The following DENND5A variants were observed in gnomAD, a reference collection of about 807,000 sequenced individuals.
The protein encoded by DENND5A is DENN domain containing 5A, also known as DENN domain-containing protein 5A.
DENND5A carries 64 observed loss-of-function variants against 140.3 expected under a neutral mutation model. The ratio of observed to expected loss-of-function variants is 0.46; its 90% CI spans 0.37 to 0.56. The LOEUF (loss-of-function observed/expected upper bound fraction) is 0.56. Among genes scored for constraint, DENND5A ranks in the 20% least tolerant of loss-of-function variants. The pLI, the probability that DENND5A is intolerant of heterozygous loss-of-function variation, is 0.00. For synonymous variants in DENND5A, 605 were observed against 607.7 expected, an observed-to-expected ratio of 1.00 and a Z score of 0.07; for missense variants, 1,292 against 1,593.8, an observed-to-expected ratio of 0.81 and a Z score of 3.22.
chr11:9,212,386 A>G (rs1044040743), intron 1 of DENND5A, among the ~76,000 whole-genome samples: 4 of 152,214 alleles, frequency 2.6e-5, no homozygotes, highest in African/African-American at 9.6e-5. Context: ...AAATTTTCCC[A>G]AATTTGGTAA....
At position 9,145,096 on chromosome 11, in the gene DENND5A, C is replaced by T. The variant is rs1245979372; in HGVS notation, c.3021G>A (p.Lys1007=). The T allele has an allele frequency of 8.7e-6, 14 of 1,613,508 alleles. No individual in the cohort carries two copies. Among genetic ancestry groups the T allele is most frequent in the Non-Finnish European group, 1.2e-5 (14 of 1,179,530 alleles). The change falls in exon 18 of 23, where the codon AAG becomes AAA. Residue 1007 remains lysine (K), a synonymous_variant. Transcript: ENST00000328194. ...CATGGCCAATCTGGACAGTAGTAAG[C>T]TTCCCCAAGTTCTGGCACTATTAGA... ...EMTFECQNLG[K]LTTVQIGHDN... is the part of the protein sequence containing the mutation.
chr11:9,161,258 G>C (rs1398825331), intron 11 of DENND5A, among the ~76,000 whole-genome samples: 1 of 152,090 alleles, frequency 6.6e-6, no homozygotes, highest in African/African-American at 2.4e-5. Context: ...TGAAGCAGGA[G>C]AATGGCGTCA....
chr11:9,166,239 C>T (rs372268448), intron 10 of DENND5A, among the ~76,000 whole-genome samples: 23 of 151,972 alleles, frequency 1.5e-4, no homozygotes, highest in South Asian at 4.2e-4. Flanking sequence ...CCACCACGCC[C>T]GGCTAATTTT....
chr11:9,215,050 TC>T (rs1850035412), intron 1 of DENND5A, among the ~76,000 whole-genome samples: 3 of 152,124 alleles, frequency 2.0e-5, no homozygotes, highest in Admixed American at 2.0e-4. Flanking sequence ...TAAGTCCTCT[TC>T]CAAGGCACTA....
intron 1 of DENND5A, among the ~76,000 whole-genome samples, chr11:9,257,556 A>ACTGCAAGCTCCGCCTCC (rs1300857062): frequency 7.3e-6 from 1 of 137,808 alleles, no homozygotes; most frequent in Non-Finnish European, 1.5e-5. Context: ...ATCTCGGCTC[A>ACTGCAAGCTCCGCCTCC]CTGCAAGCTC....
chr11:9,261,226 T>C (rs1158288019), intron 1 of DENND5A, among the ~76,000 whole-genome samples: 1 of 152,162 alleles, frequency 6.6e-6, no homozygotes, highest in Non-Finnish European at 1.5e-5. Context: ...ACACCGAGCA[T>C]CTTTGATTTG....
intron 12 of DENND5A, among the ~76,000 whole-genome samples, chr11:9,160,476 C>T (rs1847942171): frequency 6.6e-6 from 1 of 152,168 alleles, no homozygotes; most frequent in Admixed American, 6.5e-5. Context: ...TCAGCTCTAC[C>T]CCCAGGAAGA....
rs1378771732 is a variant in DENND5A, at chr11:9,150,202, G to T, written c.2614C>A (p.Gln872Lys). 2.5e-6 allele frequency: 4 copies of T among 1,613,620 alleles called. No individual in the cohort carries two copies. In the Admixed American group the frequency reaches 6.7e-5, roughly 27 times the overall value. The change falls in exon 15 of 23, where the codon CAG (glutamine) becomes AAG (lysine). Residue 872 changes from glutamine (Q) to lysine (K), a missense_variant. Physicochemically the swap from Gln to Lys is moderately conservative, Grantham distance 53. Around this residue, in one of 4 missense-constraint regions of DENND5A, gnomAD observed 498 missense variants for 689.7 expected, o/e 0.72. Coordinates refer to ENST00000328194, the MANE Select transcript of DENND5A (RefSeq NM_015213.4). ...ISLIQDMRHI[Q>K]NIGEIKTDVG... ...TCAGTCTTGATTTCCCCGATGTTCT[G>T]GATGTGCCTGGAGGAAGAATGTAAA...
chr11:9,139,659 G>A lies in DENND5A; in HGVS notation c.*12C>T. On this transcript the variant is annotated 3_prime_UTR_variant, in exon 23 of 23. Coordinates refer to ENST00000328194, the MANE Select transcript of DENND5A (RefSeq NM_015213.4). ...GTCTTTCTCAGTCCTGCTGCTGGCT[G>A]GTGCTGGGAGGTCAGATGTCGATGC... 1 of 1,611,404 alleles carries A rather than the reference G, an allele frequency of 6.2e-7. No individual in the cohort carries two copies. Among genetic ancestry groups the A allele is most frequent in the Non-Finnish European group, 8.5e-7 (1 of 1,178,754 alleles).
intron 1 of DENND5A, among the ~76,000 whole-genome samples, chr11:9,259,482 C>T (rs926123276): frequency 5.3e-5 from 8 of 151,952 alleles, no homozygotes; most frequent in Non-Finnish European, 7.4e-5. Context: ...AGGAGAATGG[C>T]GTGAACCCGG....
Position 9,257,066 on chromosome 11 carries a change from A to T in DENND5A, c.109+7895T>A, listed in dbSNP as rs577095685. Among the ~76,000 whole-genome samples, 29 of 152,030 alleles carry T rather than the reference A, an allele frequency of 1.9e-4. No individual in the cohort carries two copies. The South Asian group carries it at 6.0e-3, about 32-fold the overall frequency. On this transcript the variant is annotated intron_variant, in intron 1 of 22. Transcript: ENST00000328194. ...GACCAAGTCACTCAGGCTGGAGTGCAGTGGCGCCATCTCGGCTCACTGCAA... is the reference window on the plus strand; with the variant it reads ...GACCAAGTCACTCAGGCTGGAGTGCTGTGGCGCCATCTCGGCTCACTGCAA...
intron 22 of DENND5A, chr11:9,140,286 T>C (rs1450109294): frequency 1.3e-5 from 15 of 1,132,632 alleles, no homozygotes; most frequent in East Asian, 5.7e-5. Context: ...ATCCCCACTT[T>C]ATAGATGAAG....
intron 8 of DENND5A, chr11:9,171,097 C>T: frequency 3.5e-6 from 1 of 284,406 alleles, no homozygotes; most frequent in South Asian, 4.8e-5. Flanking sequence ...GAGTTCTAGG[C>T]AGAGACTGGT....
intron 15 of DENND5A, among the ~76,000 whole-genome samples, chr11:9,147,389 T>C (rs1847466997): frequency 6.6e-6 from 1 of 152,182 alleles, no homozygotes; most frequent in African/African-American, 2.4e-5. Flanking sequence ...GGTATGTTGA[T>C]GTTACTATAA....
chr11:9,207,245 C>A, intron 2 of DENND5A: 2 of 476,890 alleles, frequency 4.2e-6, no homozygotes, highest in Non-Finnish European at 7.6e-6. Context: ...GATGTAAGAA[C>A]ATTAACGAAG....
intron 1 of DENND5A, among the ~76,000 whole-genome samples, chr11:9,235,657 CAAAA>C: frequency 1.1e-5 from 1 of 94,004 alleles, no homozygotes. Flanking sequence ...GACTCTGTCT[CAAAA>C]AAAAAAAAAA....
chr11:9,163,622 G>A (rs1848067090), intron 11 of DENND5A, among the ~76,000 whole-genome samples: 2 of 151,984 alleles, frequency 1.3e-5, no homozygotes, highest in African/African-American at 4.8e-5. Context: ...TGGTCAATAT[G>A]ATGAAACCCT....
chr11:9,247,619 C>T (rs74498756), intron 1 of DENND5A, among the ~76,000 whole-genome samples: 3,290 of 151,670 alleles, frequency 0.022, 109 homozygotes, highest in African/African-American at 0.072. Context: ...TCAATATGAA[C>T]GACCATGGCC....
At chr11:9,177,162 G>A (rs759715111) in intron 8 of DENND5A, among the ~76,000 whole-genome samples, 5 of 150,206 alleles carry the variant, frequency 3.3e-5, no homozygotes, top group Non-Finnish European at 7.4e-5. Context: ...ACTGAGGTGA[G>A]AGAATTGCTT....
Sources: gnomAD v4.1 joint callset for allele counts (sites outside exome capture counted in the v4.1 genomes callset) on GRCh38, gnomAD v4.1.1 for gene constraint, gnomAD v4.1.1 regional missense constraint, MANE v1.5 for transcripts, NCBI Gene and HGNC (gene_info 2026-07-23, HGNC 2026-07-21) for gene names.